The following WARS2 variants were observed in gnomAD, a reference collection of about 807,000 sequenced individuals.
The protein encoded by WARS2 is tryptophanyl tRNA synthetase 2, mitochondrial, also known as tryptophan--tRNA ligase, mitochondrial.
WARS2 carries 28 observed loss-of-function variants against 36.5 expected under a neutral mutation model. The observed-to-expected ratio is 0.77, with a 90% confidence interval of 0.57 to 1.05. The LOEUF (loss-of-function observed/expected upper bound fraction) is 1.05. Ranked by LOEUF, WARS2 falls within the 50% of genes least tolerant of loss-of-function variation. The pLI is 0.00. For missense variants in WARS2, 435 were observed against 456.8 expected (o/e 0.95, Z 0.44); for synonymous variants, 174 against 178.4 (o/e 0.98, Z 0.20).
intron 2 of WARS2, among the ~76,000 whole-genome samples, chr1:119,046,285 GTTTTTTTT>G (rs71070781): frequency 0.024 from 2,438 of 101,576 alleles, 69 homozygotes; most frequent in African/African-American, 0.075. Flanking sequence ...CTCCTTTTCT[GTTTTTTTT>G]TTTTTTTTTT....
At chr1:119,063,891 G>A (rs1406803379) in intron 2 of WARS2, 12 of 152,210 alleles carry the variant, frequency 7.9e-5, no homozygotes, top group Non-Finnish European at 4.4e-5. Context: ...AAGGAAATGT[G>A]GGGTTGGAGC....
At chr1:119,140,524 A>C in intron 1 of WARS2, 31 bp downstream of exon 1, 6 of 1,600,478 alleles carry the variant, frequency 3.7e-6, no homozygotes, top group Non-Finnish European at 5.1e-6. Context: ...CGGGATGGGA[A>C]GCCGCGGAGG....
At chr1:119,079,389 C>T (rs966928766) in intron 1 of WARS2, among the ~76,000 whole-genome samples, 2 of 152,060 alleles carry the variant, frequency 1.3e-5, no homozygotes, top group Non-Finnish European at 2.9e-5. Context: ...TTAGAATCAT[C>T]TTGTCAAGTC....
intron 4 of WARS2, among the ~76,000 whole-genome samples, chr1:119,036,492 T>C (rs1374044433): frequency 6.6e-6 from 1 of 152,196 alleles, no homozygotes; most frequent in Non-Finnish European, 1.5e-5. Context: ...GAGGCTGACA[T>C]GCAGAGGTCA....
At position 119,036,199 on chromosome 1, in the gene WARS2, C is replaced by T. The variant is rs536650335; in HGVS notation, c.516-1986G>A. Among the ~76,000 whole-genome samples the T allele has an allele frequency of 4.0e-5, 6 of 151,396 alleles. No individual in the cohort carries two copies. The South Asian group carries it at 1.0e-3, about 26-fold the overall frequency. ...ACTCCAGCCTGGGAAATGAGTGAAA[C>T]TCTGCCTCGAAAAATAAAAATAAAA... On this transcript the variant is annotated intron_variant, in intron 4 of 5. Coordinates refer to ENST00000235521, the MANE Select transcript of WARS2 (RefSeq NM_015836.4).
At chr1:119,134,317 G>A (rs1157737916) in intron 1 of WARS2, among the ~76,000 whole-genome samples, 8 of 36,552 alleles carry the variant, frequency 2.2e-4, no homozygotes, top group Non-Finnish European at 5.2e-4. Context: ...GAGGCAAAGG[G>A]GCAAAAAAAA....
chr1:119,095,900 C>G (rs962709966), intron 1 of WARS2, among the ~76,000 whole-genome samples: 3 of 152,180 alleles, frequency 2.0e-5, no homozygotes, highest in African/African-American at 7.2e-5. Flanking sequence ...TTCTCAAACT[C>G]ACTGGTAAAC....
intron 3 of WARS2, among the ~76,000 whole-genome samples, chr1:119,043,351 G>C (rs1045020632): frequency 3.9e-5 from 6 of 152,146 alleles, no homozygotes; most frequent in African/African-American, 1.2e-4. Context: ...TTATAAACTT[G>C]TTTTATTCCA....
chr1:119,066,582 GA>G (rs1650894708), intron 2 of WARS2, among the ~76,000 whole-genome samples: 1 of 151,554 alleles, frequency 6.6e-6, no homozygotes, highest in African/African-American at 2.4e-5. Context: ...AAATCAATAG[GA>G]AAATACAATT....
At chr1:119,081,967 G>T (rs939219674) in intron 1 of WARS2, among the ~76,000 whole-genome samples, 4 of 151,960 alleles carry the variant, frequency 2.6e-5, no homozygotes, top group African/African-American at 9.7e-5. Flanking sequence ...AGAAAAATGG[G>T]TTCATCATTT....
At chr1:119,130,675 A>C (rs1656040629) in intron 1 of WARS2, among the ~76,000 whole-genome samples, 1 of 152,226 alleles carries the variant, frequency 6.6e-6, no homozygotes, top group Admixed American at 6.5e-5. Context: ...CTTGATGACA[A>C]TGCTATGCAC....
intron 1 of WARS2, chr1:119,127,291 T>C (rs1655734946): frequency 4.3e-6 from 3 of 691,666 alleles, no homozygotes; most frequent in Non-Finnish European, 7.7e-6. Context: ...CCAACCTCCA[T>C]GGTGCTGCTC....
intron 2 of WARS2, among the ~76,000 whole-genome samples, chr1:119,062,141 A>C (rs1371303606): frequency 2.6e-5 from 4 of 152,108 alleles, no homozygotes; most frequent in African/African-American, 9.7e-5. Context: ...TTTGAGCTGG[A>C]GAAAAAATAG....
At position 119,034,095 on chromosome 1, in the gene WARS2, T is replaced by G; in HGVS notation, c.634A>C (p.Thr212Pro). 2 of 1,610,508 alleles carry G rather than the reference T, an allele frequency of 1.2e-6. No homozygotes were observed. The highest frequency in any genetic ancestry group is 1.7e-6 in the Non-Finnish European group (2 of 1,176,832). The change falls in exon 5 of 6, where the codon ACA (threonine) becomes CCA (proline). Residue 212 changes from threonine (T) to proline (P), a missense_variant and splice_region_variant. Transcript: ENST00000235521. The part of the protein sequence containing the change: ...EFFPVPESIL[T>P]SMKKVKSLRD... Reference sequence around the variant, plus strand: ...TAACAATTATAAGTTTCTTACTTACTGAGAATGGACTCGGGCACTGGAAAG... The same window carrying G: ...TAACAATTATAAGTTTCTTACTTACGGAGAATGGACTCGGGCACTGGAAAG...
chr1:119,109,213 G>T (rs1654454614), intron 1 of WARS2, among the ~76,000 whole-genome samples: 1 of 151,898 alleles, frequency 6.6e-6, no homozygotes, highest in Non-Finnish European at 1.5e-5. Flanking sequence ...ATCATCTATA[G>T]ATGTCAGTTC....
intron 1 of WARS2, among the ~76,000 whole-genome samples, chr1:119,124,793 A>G (rs1571394911): frequency 6.6e-6 from 1 of 152,154 alleles, no homozygotes; most frequent in Non-Finnish European, 1.5e-5. Flanking sequence ...AGAAAAAGCC[A>G]AAGTCTTTAC....
intron 2 of WARS2, among the ~76,000 whole-genome samples, chr1:119,053,951 G>A (rs1175245925): frequency 6.6e-6 from 1 of 152,010 alleles, no homozygotes; most frequent in African/African-American, 2.4e-5. Context: ...CAGCTACTCA[G>A]GAGGCTGAGG....
intron 1 of WARS2, among the ~76,000 whole-genome samples, chr1:119,104,648 CAG>C (rs1001990770): frequency 2.1e-5 from 3 of 146,118 alleles, no homozygotes; most frequent in Non-Finnish European, 3.0e-5. Context: ...GGTGAAATAA[CAG>C]AGTAATGGAG....
chr1:119,047,973 A>G (rs981113137), intron 2 of WARS2, among the ~76,000 whole-genome samples: 1 of 152,216 alleles, frequency 6.6e-6, no homozygotes, highest in Non-Finnish European at 1.5e-5. Context: ...GTAGAAAGTA[A>G]CTTGGTACAT....
Sources: allele counts gnomAD v4.1 joint callset (sites outside exome capture counted in the v4.1 genomes callset), GRCh38; gene constraint gnomAD v4.1.1; transcripts MANE v1.5; gene names NCBI Gene and HGNC (gene_info 2026-07-23, HGNC 2026-07-21).